SDK2: variants seen among roughly 807,000 people sequenced by gnomAD.
SDK2 encodes protein sidekick-2.
Under a neutral mutation model 253.9 loss-of-function variants are expected in SDK2, and 105 were observed. That is an observed-to-expected ratio of 0.41 (90% CI 0.35 to 0.49). The LOEUF is 0.49. SDK2 is among the 20% of genes least tolerant of loss of function. The pLI is 0.06. For synonymous variants in SDK2, 1,249 were observed against 1,234.9 expected (o/e 1.01, Z -0.24); for missense variants, 2,608 against 3,003.0 (o/e 0.87, Z 3.07).
In SDK2 at chr17:73,418,888, T is replaced by C. The variant is rs532155022; in HGVS notation, c.2186+278A>G. On this transcript the variant is annotated intron_variant, in intron 16 of 44. Transcript: ENST00000392650. ...GTTGCCCCTTGGAAAGTTACTTATT[T>C]CTTCTCCTGTCTCCTTGTAGGCCTG... Among the ~76,000 whole-genome samples, 178 of 152,278 alleles carry C rather than the reference T, an allele frequency of 1.2e-3. 1 individual carries two copies. The highest frequency in any genetic ancestry group is 3.3e-3 in the Admixed American group (50 of 15,292).
At chr17:73,349,540 C>G (rs576308145) in intron 43 of SDK2, among the ~76,000 whole-genome samples, 2 of 152,190 alleles carry the variant, frequency 1.3e-5, no homozygotes, top group African/African-American at 4.8e-5. Flanking sequence ...TGCTCCTGCC[C>G]TTGGAAATGG....
intron 1 of SDK2, among the ~76,000 whole-genome samples, chr17:73,584,751 G>T (rs928466037): frequency 2.0e-4 from 31 of 152,190 alleles, no homozygotes; most frequent in Admixed American, 2.0e-3. Context: ...GTCAGGCTCC[G>T]CATCTTAATG....
intron 1 of SDK2, among the ~76,000 whole-genome samples, chr17:73,624,967 A>C (rs1034350193): frequency 3.9e-5 from 6 of 152,182 alleles, no homozygotes; most frequent in Non-Finnish European, 8.8e-5. Context: ...GAGGAAACTG[A>C]ATATAAGAGG....
chr17:73,352,260 A>G lies in SDK2; in HGVS notation c.5758+213T>C, dbSNP rs1021073035. Among the ~76,000 whole-genome samples, 2 of 152,158 alleles carry G rather than the reference A, an allele frequency of 1.3e-5. No individual in the cohort carries two copies. Among genetic ancestry groups the G allele is most frequent in the Non-Finnish European group, 2.9e-5 (2 of 68,024 alleles). The stretch of plus-strand genomic sequence containing the variant: ...TGGAGTTCCTTGAAAGGGAGCCCCA[A>G]AGATGAAGATCCCTAGTTTCCTCTG... On this transcript the variant is annotated intron_variant, in intron 41 of 44. Coordinates refer to ENST00000392650, the MANE Select transcript of SDK2 (RefSeq NM_001144952.2). The surrounding 1 kb of genome is among the most constrained non-coding windows in gnomAD (Gnocchi z 4.1).
At chr17:73,594,631 A>G (rs935161684) in intron 1 of SDK2, among the ~76,000 whole-genome samples, 1 of 152,130 alleles carries the variant, frequency 6.6e-6, no homozygotes, top group Non-Finnish European at 1.5e-5. Flanking sequence ...ATACACACAG[A>G]ACACACAGAA....
Position 73,435,540 on chromosome 17 carries a change from C to T in SDK2, c.1105G>A (p.Gly369Ser), listed in dbSNP as rs774180082. Residue 369 changes from glycine to serine, a missense_variant, in exon 9 of 45, where the codon GGC becomes AGC. Gly to Ser is a moderately conservative substitution (Grantham distance 56). Transcript: ENST00000392650. The surrounding 1 kb of genome is among the most constrained non-coding windows in gnomAD (Gnocchi z 5.7). ...ATGCCGGTATCATCGGGCACCAGGC[C>T]GCTGATCTGCAGGCCCCCGTCGTTG... The part of the protein sequence containing the change: ...QRNDGGLQIS[G>S]LVPDDTGMFQ... 6.9e-6 allele frequency: 11 copies of T among 1,596,866 alleles called. No homozygotes were observed. The highest frequency in any genetic ancestry group is 6.8e-5 in the East Asian group (3 of 43,854).
intron 1 of SDK2, among the ~76,000 whole-genome samples, chr17:73,586,718 A>G (rs1234106307): frequency 6.6e-6 from 1 of 152,192 alleles, no homozygotes; most frequent in East Asian, 1.9e-4. Flanking sequence ...CAGGCAAAGC[A>G]TGTGTGACTC....
intron 1 of SDK2, among the ~76,000 whole-genome samples, chr17:73,508,808 C>A (rs8071556): frequency 6.6e-5 from 10 of 152,030 alleles, no homozygotes; most frequent in African/African-American, 1.7e-4. Context: ...AGCCAAAACC[C>A]GGGTGGGAGG....
chr17:73,417,312 A>G (rs1461273404), intron 16 of SDK2, among the ~76,000 whole-genome samples: 2 of 151,760 alleles, frequency 1.3e-5, no homozygotes, highest in African/African-American at 2.4e-5. Context: ...AGTCTGAGGC[A>G]GGAGGATCAC....
intron 3 of SDK2, among the ~76,000 whole-genome samples, 159 bp from the exon 4 acceptor site, chr17:73,456,212 G>C (rs1426105036): frequency 6.6e-6 from 1 of 152,116 alleles, no homozygotes; most frequent in Non-Finnish European, 1.5e-5. Context: ...CCCATTCTCT[G>C]CCTCACCACT....
Position 73,536,499 on chromosome 17 carries a change from C to T in SDK2, c.65-28902G>A, listed in dbSNP as rs2044773783. ...AAACCCCCAGGCTGGGCCACCTGGG[C>T]ACCTCCCACCTCTCTTTGTACCAGG... On this transcript the variant is annotated intron_variant, in intron 1 of 44. Coordinates refer to ENST00000392650, the MANE Select transcript of SDK2 (RefSeq NM_001144952.2). Among the ~76,000 whole-genome samples the T allele has an allele frequency of 2.6e-5, 4 of 152,234 alleles. No individual in the cohort carries two copies. In the South Asian group the frequency reaches 8.3e-4, roughly 31 times the overall value.
Position 73,395,478 on chromosome 17 carries a change from G to C in SDK2, c.3355-86C>G. On this transcript the variant is annotated intron_variant, in intron 24 of 44. Transcript: ENST00000392650. The surrounding 1 kb of genome is among the most constrained non-coding windows in gnomAD (Gnocchi z 4.3). ...AACTGCCCTGCTACCCTCTCCTCCAGGGCGCCTTCAGGGCTATCCATCCCA... is the reference window on the plus strand; with the variant it reads ...AACTGCCCTGCTACCCTCTCCTCCACGGCGCCTTCAGGGCTATCCATCCCA... The C allele has an allele frequency of 1.8e-6, 2 of 1,132,336 alleles. No individual in the cohort carries two copies. The highest frequency in any genetic ancestry group is 2.6e-6 in the Non-Finnish European group (2 of 773,166). 70.1% of individuals were successfully genotyped at this position (1,132,336 alleles called of 1,614,324 possible). A position where few individuals can be genotyped will look rare whatever the true frequency, so the allele number is the denominator to read the frequency against.
chr17:73,346,133 G>A (rs1332940692), intron 44 of SDK2, among the ~76,000 whole-genome samples: 1 of 151,780 alleles, frequency 6.6e-6, no homozygotes. Context: ...TTGAACCCGG[G>A]AGGTGGAGGT....
chr17:73,512,456 A>G (rs933706512), intron 1 of SDK2, among the ~76,000 whole-genome samples: 8 of 152,112 alleles, frequency 5.3e-5, no homozygotes, highest in African/African-American at 1.7e-4. Flanking sequence ...GGAAAAGGAG[A>G]TAATTGAGAA....
chr17:73,632,776 T>C (rs2046285411), intron 1 of SDK2, among the ~76,000 whole-genome samples: 2 of 152,328 alleles, frequency 1.3e-5, no homozygotes, highest in African/African-American at 4.8e-5. Flanking sequence ...AGCTTAAATA[T>C]ATACATGTAA....
At chr17:73,588,520 C>T (rs1164657858) in intron 1 of SDK2, among the ~76,000 whole-genome samples, 1 of 151,906 alleles carries the variant, frequency 6.6e-6, no homozygotes, top group South Asian at 2.1e-4. Context: ...GATTCTGATG[C>T]ACAGTGAAGT....
At chr17:73,432,985 C>T (rs536803005) in intron 10 of SDK2, among the ~76,000 whole-genome samples, 5 of 152,180 alleles carry the variant, frequency 3.3e-5, no homozygotes, top group South Asian at 4.1e-4. Flanking sequence ...TTGCTGGTTC[C>T]GCCATCTGGA....
At chr17:73,414,866 A>G (rs983123533) in intron 17 of SDK2, 107 bp from the exon 18 acceptor site, 3 of 662,964 alleles carry the variant, frequency 4.5e-6, no homozygotes, top group Admixed American at 4.6e-5. Context: ...TCTGCCTTGC[A>G]CCCCCCTACC....
chr17:73,444,372 G>A (rs1304309394), intron 5 of SDK2, among the ~76,000 whole-genome samples: 1 of 152,180 alleles, frequency 6.6e-6, no homozygotes, highest in Non-Finnish European at 1.5e-5. Context: ...GGGTTATTGG[G>A]GTAAATGGGG....
Sources: gnomAD v4.1 joint callset for allele counts (sites outside exome capture counted in the v4.1 genomes callset) on GRCh38, gnomAD v4.1.1 for gene constraint, Gnocchi (gnomAD v3.1) non-coding constraint, MANE v1.5 for transcripts, NCBI Gene and HGNC (gene_info 2026-07-23, HGNC 2026-07-21) for gene names.